The following AGBL4 variants were observed in gnomAD, a reference collection of about 807,000 sequenced individuals.
AGBL4 encodes cytosolic carboxypeptidase 6.
AGBL4 carries 58 observed loss-of-function variants against 66.4 expected under a neutral mutation model. The observed-to-expected ratio is 0.87, with a 90% CI of 0.71 to 1.09. The LOEUF (loss-of-function observed/expected upper bound fraction) is 1.09, where lower values mean the gene tolerates loss of function less well. Among genes scored for constraint, AGBL4 ranks in the 50% least tolerant of loss-of-function variants. The pLI is 0.00. For missense variants in AGBL4, 579 were observed against 631.0 expected, an observed-to-expected ratio of 0.92 and a Z score of 0.88; for synonymous variants, 234 against 222.9, an observed-to-expected ratio of 1.05 and a Z score of -0.44.
intron 1 of AGBL4, among the ~76,000 whole-genome samples, chr1:49,951,540 C>T (rs995073213): frequency 6.6e-6 from 1 of 151,898 alleles, no homozygotes; most frequent in Non-Finnish European, 1.5e-5. Flanking sequence ...ATCCTTGTAG[C>T]CAAGGATAAT....
At chr1:49,087,452 G>A (rs915709654) in intron 4 of AGBL4, among the ~76,000 whole-genome samples, 15 of 152,288 alleles carry the variant, frequency 9.8e-5, no homozygotes, top group Middle Eastern at 6.8e-3. Flanking sequence ...ACAATTGCAT[G>A]TACTAGCAGA....
At chr1:48,781,321 A>ACCTT (rs1645287275) in intron 6 of AGBL4, among the ~76,000 whole-genome samples, 1 of 152,214 alleles carries the variant, frequency 6.6e-6, no homozygotes, top group Non-Finnish European at 1.5e-5. Context: ...GGCACCAGAA[A>ACCTT]GACGTCAGTT....
intron 3 of AGBL4, among the ~76,000 whole-genome samples, chr1:49,683,694 G>C (rs1489689617): frequency 2.6e-5 from 4 of 152,134 alleles, no homozygotes; most frequent in Admixed American, 6.6e-5. Context: ...TTGTGAGCTA[G>C]ACAAAGTGAG....
intron 5 of AGBL4, among the ~76,000 whole-genome samples, chr1:48,922,437 A>G (rs1654159005): frequency 6.6e-6 from 1 of 152,070 alleles, no homozygotes; most frequent in South Asian, 2.1e-4. Flanking sequence ...GAATCCCACC[A>G]CCACCCCATC....
rs372411321 is a variant in AGBL4, at chr1:48,665,659, A to G, written c.635-2418T>C. Among the ~76,000 whole-genome samples, 106 of 152,266 alleles carry G rather than the reference A, an allele frequency of 7.0e-4. 1 individual carries two copies. The highest frequency in any genetic ancestry group is 2.4e-3 in the African/African-American group (100 of 41,560). ...TCATTCTGGATCCAGTAAAAACAATATAAGATTCCACTTCTGCTGCATTTC... is the reference window on the plus strand; with the variant it reads ...TCATTCTGGATCCAGTAAAAACAATGTAAGATTCCACTTCTGCTGCATTTC... On this transcript the variant is annotated intron_variant, in intron 6 of 13. Transcript: ENST00000371839.
chr1:49,631,646 A>T (rs537115870), intron 3 of AGBL4, among the ~76,000 whole-genome samples: 14 of 152,264 alleles, frequency 9.2e-5, no homozygotes, highest in Admixed American at 2.6e-4. Flanking sequence ...CATTTCCAGA[A>T]CCCAAAACCC....
At chr1:48,672,155 C>T (rs1026759958) in intron 6 of AGBL4, among the ~76,000 whole-genome samples, 3 of 152,170 alleles carry the variant, frequency 2.0e-5, no homozygotes, top group Non-Finnish European at 2.9e-5. Context: ...ATGACTTCTC[C>T]GTAATGGATT....
At chr1:49,407,288 ATCAACCTC>A (rs1415555711) in intron 3 of AGBL4, among the ~76,000 whole-genome samples, 1 of 152,168 alleles carries the variant, frequency 6.6e-6, no homozygotes, top group African/African-American at 2.4e-5. Flanking sequence ...AAACAAAAAC[ATCAACCTC>A]TCCTGCCAAG....
intron 3 of AGBL4, among the ~76,000 whole-genome samples, chr1:49,300,928 G>C (rs1644733661): frequency 6.6e-6 from 1 of 152,076 alleles, no homozygotes; most frequent in Non-Finnish European, 1.5e-5. Flanking sequence ...TTCTTCCTTT[G>C]TGCTTCCACT....
chr1:49,750,403 G>A (rs1046081018), intron 2 of AGBL4, among the ~76,000 whole-genome samples: 8 of 152,168 alleles, frequency 5.3e-5, no homozygotes, highest in African/African-American at 1.2e-4. Flanking sequence ...GATGGTTTTA[G>A]ATGTGTGGTG....
intron 3 of AGBL4, among the ~76,000 whole-genome samples, chr1:49,249,581 G>A (rs10888653): frequency 0.12 from 17,688 of 152,156 alleles, 1,763 homozygotes; most frequent in African/African-American, 0.27. Flanking sequence ...ATATGTTGGT[G>A]AGGATGTAGA....
intron 2 of AGBL4, among the ~76,000 whole-genome samples, chr1:49,739,019 C>T (rs905509214): frequency 5.3e-5 from 8 of 152,228 alleles, no homozygotes; most frequent in East Asian, 1.9e-4. Flanking sequence ...CAAAGGAACG[C>T]AGTTCCTCAC....
intron 2 of AGBL4, among the ~76,000 whole-genome samples, chr1:49,734,820 A>T (rs1649734644): frequency 8.5e-6 from 1 of 117,414 alleles, no homozygotes. Flanking sequence ...AAAAAATTTT[A>T]AAAATAATAA....
intron 3 of AGBL4, among the ~76,000 whole-genome samples, chr1:49,453,631 A>G (rs2148685954): frequency 6.6e-6 from 1 of 152,006 alleles, no homozygotes. Context: ...TTGACCATAA[A>G]TGAAACAATG....
chr1:49,847,167 T>G (rs1279950705), intron 2 of AGBL4, among the ~76,000 whole-genome samples: 1 of 152,162 alleles, frequency 6.6e-6, no homozygotes, highest in Admixed American at 6.5e-5. Context: ...GAAGAGGACA[T>G]TGTTTTCAAT....
chr1:49,563,071 A>G (rs1644093734), intron 3 of AGBL4, among the ~76,000 whole-genome samples: 1 of 152,014 alleles, frequency 6.6e-6, no homozygotes, highest in African/African-American at 2.4e-5. Flanking sequence ...CTTTGAAGCA[A>G]TTGTGAATGG....
intron 3 of AGBL4, among the ~76,000 whole-genome samples, chr1:49,628,624 G>A (rs557963369): frequency 2.3e-4 from 35 of 152,186 alleles, no homozygotes; most frequent in African/African-American, 8.2e-4. Context: ...ATGAGCAATC[G>A]ACTCCTTCCT....
intron 1 of AGBL4, among the ~76,000 whole-genome samples, chr1:49,963,272 T>G (rs549632734): frequency 6.6e-6 from 1 of 152,168 alleles, no homozygotes; most frequent in Non-Finnish European, 1.5e-5. Context: ...TATAGTTTCT[T>G]CCTTCATCTT....
At chr1:49,833,646 C>G (rs1042473218) in intron 2 of AGBL4, among the ~76,000 whole-genome samples, 3 of 152,030 alleles carry the variant, frequency 2.0e-5, no homozygotes, top group Admixed American at 1.3e-4. Context: ...TCTTCCATTT[C>G]TTTGTATCTT....
Sources: allele counts gnomAD v4.1 joint callset (sites outside exome capture counted in the v4.1 genomes callset), GRCh38; gene constraint gnomAD v4.1.1; transcripts MANE v1.5; gene names NCBI Gene and HGNC (gene_info 2026-07-23, HGNC 2026-07-21).